Variants in CSMD3 observed in about 807,000 individuals in gnomAD.
CSMD3 encodes the protein CUB and Sushi multiple domains 3.
A neutral mutation model predicts 435.2 loss-of-function variants in CSMD3; 177 were observed. The observed-to-expected ratio is 0.41, with a 90% CI of 0.36 to 0.46. CSMD3 has a LOEUF of 0.46. Among genes scored for constraint, CSMD3 ranks in the 20% least tolerant of loss-of-function variants. CSMD3 has a pLI of 0.34. For synonymous variants in CSMD3, 1,656 were observed against 1,520.5 expected, an observed-to-expected ratio of 1.09 and a Z score of -2.07; for missense variants, 4,265 against 4,504.6, an observed-to-expected ratio of 0.95 and a Z score of 1.52.
intron 13 of CSMD3, among the ~76,000 whole-genome samples, chr8:112,742,644 T>C (rs770648297): frequency 8.6e-5 from 13 of 151,966 alleles, no homozygotes; most frequent in Admixed American, 2.0e-4. Flanking sequence ...GATTTTGCTC[T>C]GCCCAAATTC....
intron 11 of CSMD3, among the ~76,000 whole-genome samples, chr8:112,830,586 A>T (rs1448645804): frequency 6.6e-6 from 1 of 152,124 alleles, no homozygotes; most frequent in Non-Finnish European, 1.5e-5. Flanking sequence ...GCATAGAGTC[A>T]TGCTTTGAGC....
At chr8:112,394,580 C>T (rs1028251022) in intron 35 of CSMD3, among the ~76,000 whole-genome samples, 3 of 152,132 alleles carry the variant, frequency 2.0e-5, no homozygotes, top group South Asian at 2.1e-4. Context: ...GGCTTGAACA[C>T]GTCAAGATCT....
chr8:112,316,761 A>T (rs1253969677), intron 47 of CSMD3, among the ~76,000 whole-genome samples: 3 of 151,948 alleles, frequency 2.0e-5, no homozygotes, highest in Non-Finnish European at 4.4e-5. Flanking sequence ...CAATGTTTTT[A>T]AACCAGAAAA....
intron 7 of CSMD3, among the ~76,000 whole-genome samples, chr8:112,972,230 C>A (rs1198543623): frequency 1.3e-5 from 2 of 151,690 alleles, no homozygotes; most frequent in African/African-American, 2.4e-5. Context: ...GAAAGTTTAA[C>A]TGGAATGTGA....
chr8:113,245,721 G>T (rs1251681033), intron 3 of CSMD3, among the ~76,000 whole-genome samples: 1 of 151,822 alleles, frequency 6.6e-6, no homozygotes, highest in East Asian at 1.9e-4. Context: ...TACATTTACT[G>T]TTCTCTATTT....
chr8:112,769,437 T>A (rs2078058271), intron 13 of CSMD3, among the ~76,000 whole-genome samples: 1 of 151,970 alleles, frequency 6.6e-6, no homozygotes, highest in African/African-American at 2.4e-5. Context: ...TATGGAAACA[T>A]TTTGATATTA....
intron 61 of CSMD3, chr8:112,255,770 A>T: frequency 6.7e-6 from 2 of 297,144 alleles, no homozygotes; most frequent in South Asian, 7.1e-5. Flanking sequence ...GCCTTGAAAA[A>T]GTAGGTGACT....
intron 38 of CSMD3, among the ~76,000 whole-genome samples, chr8:112,375,636 T>C (rs1473913806): frequency 6.6e-6 from 1 of 152,076 alleles, no homozygotes; most frequent in Non-Finnish European, 1.5e-5. Flanking sequence ...ATATTATATA[T>C]AACTAAATCA....
At chr8:112,741,187 T>C (rs551230121) in intron 13 of CSMD3, among the ~76,000 whole-genome samples, 6 of 151,904 alleles carry the variant, frequency 3.9e-5, no homozygotes, top group South Asian at 2.1e-4. Context: ...ACCTACCAGA[T>C]AGTAGAAAAC....
intron 12 of CSMD3, among the ~76,000 whole-genome samples, chr8:112,801,258 T>C (rs2078955136): frequency 6.6e-6 from 1 of 152,006 alleles, no homozygotes; most frequent in Non-Finnish European, 1.5e-5. Flanking sequence ...GTCTCTTAAA[T>C]AGTGGCTCTA....
chr8:113,153,613 G>A lies in CSMD3; in HGVS notation c.709+20109C>T, dbSNP rs554263978. Among the ~76,000 whole-genome samples, 4 of 152,094 alleles carry A rather than the reference G, an allele frequency of 2.6e-5. No individual in the cohort carries two copies. In the South Asian group the frequency reaches 6.2e-4, roughly 24 times the overall value. On this transcript the variant is annotated intron_variant, in intron 4 of 70. Transcript: ENST00000297405. ...GGAATTTCAGTTCAACATAAGAGAGGGTTTCTATTTAGAGTTGTCCAAAAA... is the reference window on the plus strand; with the variant it reads ...GGAATTTCAGTTCAACATAAGAGAGAGTTTCTATTTAGAGTTGTCCAAAAA...
At chr8:112,474,625 T>A (rs1367241424) in intron 31 of CSMD3, among the ~76,000 whole-genome samples, 1 of 152,168 alleles carries the variant, frequency 6.6e-6, no homozygotes. Context: ...TGGGAATTTA[T>A]TGAAGTTAAT....
At chr8:113,332,368 T>C (rs1415641651) in intron 1 of CSMD3, among the ~76,000 whole-genome samples, 3 of 147,014 alleles carry the variant, frequency 2.0e-5, no homozygotes, top group Non-Finnish European at 4.5e-5. Flanking sequence ...AAATGAGGTA[T>C]CCCTGTATAT....
chr8:112,390,886 T>A (rs1830356917), intron 35 of CSMD3, 98 bp from the exon 36 acceptor site: 1 of 1,126,834 alleles, frequency 8.9e-7, no homozygotes, highest in Non-Finnish European at 1.3e-6. Context: ...GATACTAGAC[T>A]TGCAAATCAA....
At chr8:112,639,051 A>C in intron 20 of CSMD3, 140 bp from the exon 21 acceptor site, 1 of 635,552 alleles carries the variant, frequency 1.6e-6, no homozygotes. Flanking sequence ...AAATATTCCA[A>C]ATATATGTTA....
chr8:112,278,888 G>T (rs1182800766), intron 59 of CSMD3, among the ~76,000 whole-genome samples: 1 of 152,044 alleles, frequency 6.6e-6, no homozygotes, highest in Non-Finnish European at 1.5e-5. Context: ...CAACTGCCCT[G>T]TGGGAGACCC....
intron 23 of CSMD3, 93 bp downstream of exon 23, chr8:112,586,973 T>C (rs751656783): frequency 8.0e-5 from 65 of 815,786 alleles, no homozygotes; most frequent in Non-Finnish European, 8.9e-5. Flanking sequence ...ACTATATACA[T>C]ACACATATAT....
intron 30 of CSMD3, among the ~76,000 whole-genome samples, chr8:112,495,655 A>C (rs1276821147): frequency 2.6e-5 from 4 of 152,188 alleles, no homozygotes; most frequent in Non-Finnish European, 5.9e-5. Flanking sequence ...AATACTTAAA[A>C]AAATGTCTAG....
chr8:113,316,048 T>C (rs1236861832), intron 1 of CSMD3, among the ~76,000 whole-genome samples: 1 of 152,086 alleles, frequency 6.6e-6, no homozygotes, highest in Admixed American at 6.6e-5. Flanking sequence ...CTGTAGCATA[T>C]TGTGTAATGT....
Sources: gnomAD v4.1 joint callset for allele counts (sites outside exome capture counted in the v4.1 genomes callset) on GRCh38, gnomAD v4.1.1 for gene constraint, MANE v1.5 for transcripts, NCBI Gene and HGNC (gene_info 2026-07-23, HGNC 2026-07-21) for gene names.